ADI1: variants seen among roughly 807,000 people sequenced by gnomAD.
The protein encoded by ADI1 is acireductone dioxygenase 1, also known as acireductone dioxygenase.
Under a neutral mutation model 18.7 loss-of-function variants are expected in ADI1, and 21 were observed. The ratio of observed to expected loss-of-function variants is 1.13; its 90% confidence interval spans 0.80 to 1.62. ADI1 has a LOEUF of 1.62. Among genes scored for constraint, ADI1 ranks in the 40% most tolerant of loss-of-function variants. The pLI, the probability that ADI1 is intolerant of heterozygous loss-of-function variation, is 0.00. For missense variants in ADI1, 245 were observed against 254.9 expected (o/e 0.96, Z 0.26); for synonymous variants, 90 against 100.1 (o/e 0.90, Z 0.60).
chr2:3,514,849 A>C, intron 1 of ADI1: 1 of 1,548,890 alleles, frequency 6.5e-7, no homozygotes, highest in Non-Finnish European at 8.7e-7. Flanking sequence ...AGGGACCCCG[A>C]ATGGAGGGAC....
intron 3 of ADI1, 129 bp downstream of exon 3, chr2:3,500,685 C>T (rs759493314): frequency 1.6e-6 from 2 of 1,223,922 alleles, no homozygotes. Context: ...CCTTGAAGCA[C>T]AGGTCGAGGA....
Position 3,516,753 on chromosome 2 carries a change from ATTGT to A in ADI1, c.120+2611_120+2614del, listed in dbSNP as rs533617302. The A allele has an allele frequency of 5.7e-3, 5,664 of 985,164 alleles. 34 individuals are homozygous for A. The highest frequency in any genetic ancestry group is 0.02 in the Middle Eastern group (39 of 1,912). 61.0% of individuals were successfully genotyped at this position (985,164 alleles called of 1,614,324 possible). On this transcript the variant is annotated intron_variant, in intron 1 of 3. Coordinates refer to ENST00000327435, the MANE Select transcript of ADI1 (RefSeq NM_018269.4). Reference sequence around the variant, plus strand: ...TATTCCAAGCTAAAATAATCTTCCAATTGTTTGTATGTATGACAAAAGGTTTTTT... The same window carrying A: ...TATTCCAAGCTAAAATAATCTTCCAATTGTATGTATGACAAAAGGTTTTTT...
rs13393515 is a variant in ADI1 at position 3,503,315 on chromosome 2, A to G, written c.241-2322T>C. 0.035 allele frequency among the ~76,000 whole-genome samples: 1,704 copies of G among 48,438 alleles called. 488 individuals carry two copies. In the African/African-American group the frequency reaches 0.42, roughly 12 times the overall value. 31.8% of individuals were successfully genotyped at this position (48,438 alleles called of 152,430 possible). ...CATGCACACATACACACTGACACGC[A>G]CATTCACACACATGCACACATACAC... is the stretch of plus-strand genomic sequence containing the variant. On this transcript the variant is annotated intron_variant, in intron 2 of 3. Transcript: ENST00000327435.
At chr2:3,514,758 G>A (rs1417196267) in intron 1 of ADI1, 1 of 1,537,324 alleles carries the variant, frequency 6.5e-7, no homozygotes, top group South Asian at 1.2e-5. Context: ...AGTGAATCTA[G>A]CACACTTTAT....
chr2:3,519,292 TGGA>T, intron 1 of ADI1, 73 bp downstream of exon 1: 1 of 1,315,744 alleles, frequency 7.6e-7, no homozygotes, highest in Non-Finnish European at 9.7e-7. Flanking sequence ...GCCCGGCACC[TGGA>T]GGAGGCTGGG....
intron 2 of ADI1, among the ~76,000 whole-genome samples, chr2:3,506,428 A>G (rs1667178865): frequency 6.6e-6 from 1 of 152,224 alleles, no homozygotes; most frequent in African/African-American, 2.4e-5. Context: ...GATATTTGAA[A>G]TTCAAAACAC....
chr2:3,512,541 G>A (rs2103211314), intron 2 of ADI1, among the ~76,000 whole-genome samples: 1 of 152,364 alleles, frequency 6.6e-6, no homozygotes, highest in Admixed American at 6.5e-5. Flanking sequence ...TTGGGCCACA[G>A]CTCCAGAGGG....
At position 3,519,504 on chromosome 2, in the gene ADI1, G is replaced by A. The variant is rs760405028; in HGVS notation, c.-17C>T. 2.0e-5 allele frequency: 26 copies of A among 1,272,066 alleles called. No individual in the cohort carries two copies. In the Admixed American group the frequency reaches 3.6e-4, roughly 18 times the overall value. 78.8% of individuals were successfully genotyped at this position (1,272,066 alleles called of 1,614,324 possible). ...CTGCACCATGACGCGCAGTGCGGGT[G>A]CCGTGTTCGAACCCAGGGGCCGCGC... On this transcript the variant is annotated 5_prime_UTR_variant, in exon 1 of 4. Transcript: ENST00000327435.
At chr2:3,508,595 T>C (rs529950959) in intron 2 of ADI1, among the ~76,000 whole-genome samples, 1 of 152,042 alleles carries the variant, frequency 6.6e-6, no homozygotes, top group Non-Finnish European at 1.5e-5. Context: ...AGATATACCA[T>C]ATTAACACAA....
At position 3,519,440 on chromosome 2, in the gene ADI1, T is replaced by A; in HGVS notation, c.48A>T (p.Gln16His). Reference protein sequence around the residue: ...YMDDAPGDPRQPHRPDPGRPV... With the variant: ...YMDDAPGDPRHPHRPDPGRPV... ...GGCGGCCGGGGTCGGGGCGGTGGGG[T>A]TGCCGCGGGTCGCCCGGGGCGTCGT... The change falls in exon 1 of 4, where the codon CAA becomes CAT. Residue 16 changes from glutamine to histidine, a missense_variant. Transcript: ENST00000327435. 7.4e-7 allele frequency: 1 copy of A among 1,359,602 alleles called. No individual in the cohort carries two copies. Among genetic ancestry groups the A allele is most frequent in the South Asian group, 1.8e-5 (1 of 56,036 alleles). The allele number at this position is 1,359,602 out of a possible 1,614,324, so 84.2% of individuals were successfully genotyped here.
Position 3,498,940 on chromosome 2 carries a change from G to A in ADI1, c.*23C>T, listed in dbSNP as rs373506681. ...TACATTGGGGACCTTTACGAGGCACGTGTTAGTTCCCAGGCAGCACTGCTA... is the reference window on the plus strand; with the variant it reads ...TACATTGGGGACCTTTACGAGGCACATGTTAGTTCCCAGGCAGCACTGCTA... On this transcript the variant is annotated 3_prime_UTR_variant, in exon 4 of 4. Coordinates refer to ENST00000327435, the MANE Select transcript of ADI1 (RefSeq NM_018269.4). 171 of 1,594,648 alleles carry A rather than the reference G, an allele frequency of 1.1e-4. No homozygotes were observed. The highest frequency in any genetic ancestry group is 1.3e-4 in the Non-Finnish European group (154 of 1,165,438).
intron 1 of ADI1, 153 bp downstream of exon 1, chr2:3,519,215 G>A: frequency 3.4e-6 from 4 of 1,174,752 alleles, no homozygotes; most frequent in Non-Finnish European, 3.3e-6. Flanking sequence ...CCAGGCACCG[G>A]GAGCCGCCAC....
chr2:3,508,831 G>C (rs1248955751), intron 2 of ADI1, among the ~76,000 whole-genome samples: 1 of 152,068 alleles, frequency 6.6e-6, no homozygotes, highest in African/African-American at 2.4e-5. Flanking sequence ...TTGAGCTTGA[G>C]AGGTTGAGGC....
intron 3 of ADI1, chr2:3,500,481 C>A: frequency 8.6e-6 from 4 of 463,640 alleles, no homozygotes; most frequent in East Asian, 3.8e-5. Context: ...GATGCCTCAC[C>A]GCCAAGCAAG....
chr2:3,504,513 G>A (rs1667128621), intron 2 of ADI1, among the ~76,000 whole-genome samples: 1 of 152,190 alleles, frequency 6.6e-6, no homozygotes, highest in Admixed American at 6.5e-5. Context: ...TGAACTGTAG[G>A]GCACTCAGTG....
intron 3 of ADI1, chr2:3,500,560 C>T (rs552008660): frequency 1.9e-5 from 11 of 573,766 alleles, no homozygotes; most frequent in Admixed American, 3.2e-5. Flanking sequence ...CCTGTACCTG[C>T]CCCGCCTGGG....
chr2:3,499,008 A>G lies in ADI1; in HGVS notation c.495T>C (p.Phe165=). Reference sequence around the variant, plus strand: ...ATTTCACGTACTGCCCGCGGGCTTCAAAATGGTCAGCGGGCCGGTTGTACG... The same window carrying G: ...ATTTCACGTACTGCCCGCGGGCTTCGAAATGGTCAGCGGGCCGGTTGTACG... ...WTAYNRPADH[F]EARGQYVKFL... is the part of the protein sequence containing the mutation. The change falls in exon 4 of 4, where the codon TTT becomes TTC. Residue 165 remains phenylalanine (F), a synonymous_variant. Transcript: ENST00000327435. The G allele has an allele frequency of 6.2e-7, 1 of 1,614,030 alleles. No individual in the cohort carries two copies. Among genetic ancestry groups the G allele is most frequent in the Non-Finnish European group, 8.5e-7 (1 of 1,179,876 alleles).
At chr2:3,518,772 C>G (rs1318583997) in intron 1 of ADI1, among the ~76,000 whole-genome samples, 2 of 152,244 alleles carry the variant, frequency 1.3e-5, no homozygotes, top group Non-Finnish European at 2.9e-5. Flanking sequence ...CCGAGGTTAG[C>G]CAGGCAGGCA....
intron 1 of ADI1, chr2:3,517,064 C>T: frequency 6.9e-6 from 3 of 437,732 alleles, no homozygotes; most frequent in Non-Finnish European, 9.1e-6. Flanking sequence ...GCACTAGGCC[C>T]CAGGATGAGA....
Sources: gnomAD v4.1 joint callset for allele counts (sites outside exome capture counted in the v4.1 genomes callset) on GRCh38, gnomAD v4.1.1 for gene constraint, MANE v1.5 for transcripts, NCBI Gene and HGNC (gene_info 2026-07-23, HGNC 2026-07-21) for gene names.